The following DENND4A variants were observed in gnomAD, a reference collection of about 807,000 sequenced individuals.
DENND4A encodes DENN domain containing 4A.
Under a neutral mutation model 199.3 loss-of-function variants are expected in DENND4A, and 70 were observed. The observed-to-expected ratio is 0.35, with a 90% confidence interval of 0.29 to 0.43. The LOEUF is 0.43. Ranked by LOEUF, DENND4A falls within the 20% of genes least tolerant of loss-of-function variation. DENND4A has a pLI of 1.00. For missense variants in DENND4A, 1,723 were observed against 2,255.8 expected (o/e 0.76, Z 4.78); for synonymous variants, 686 against 766.9 (o/e 0.89, Z 1.74).
chr15:65,791,335 G>T (rs1458649678), intron 1 of DENND4A, among the ~76,000 whole-genome samples: 1 of 152,200 alleles, frequency 6.6e-6, no homozygotes, highest in Non-Finnish European at 1.5e-5. Context: ...ATAATGAAAA[G>T]CTGTCGCTGC....
intron 14 of DENND4A, among the ~76,000 whole-genome samples, chr15:65,707,902 T>C: frequency 6.6e-6 from 1 of 151,792 alleles, no homozygotes; most frequent in Admixed American, 6.6e-5. Context: ...GCCAGGCTGG[T>C]CAGGAGCTCC....
intron 23 of DENND4A, chr15:65,681,029 A>G (rs1251640125): frequency 1.3e-5 from 2 of 152,208 alleles, no homozygotes; most frequent in African/African-American, 4.8e-5. Flanking sequence ...AGTTTGCTCC[A>G]TTGACTCTTC....
At chr15:65,687,739 T>C (rs938991476) in intron 23 of DENND4A, among the ~76,000 whole-genome samples, 1 of 152,222 alleles carries the variant, frequency 6.6e-6, no homozygotes, top group Non-Finnish European at 1.5e-5. Context: ...ATTCAAATCT[T>C]TATGGCTCCG....
At chr15:65,717,373 C>T (rs1046444592) in intron 13 of DENND4A, among the ~76,000 whole-genome samples, 19 of 152,062 alleles carry the variant, frequency 1.2e-4, no homozygotes, top group African/African-American at 4.6e-4. Flanking sequence ...TTGTAAAGTA[C>T]ATAATATTTG....
chr15:65,681,454 A>T (rs1304429617), intron 23 of DENND4A: 1 of 151,110 alleles, frequency 6.6e-6, no homozygotes, highest in Admixed American at 6.6e-5. Flanking sequence ...TTAAATACTA[A>T]GTTAAAAGTA....
chr15:65,772,258 A>G (rs1251758400), intron 1 of DENND4A: 3 of 556,948 alleles, frequency 5.4e-6, no homozygotes, highest in Non-Finnish European at 9.5e-6. Context: ...TCATTCACTC[A>G]TCTGACAAAT....
chr15:65,691,571 T>G, intron 22 of DENND4A, 60 bp from the exon 23 acceptor site: 1 of 1,436,104 alleles, frequency 7.0e-7, no homozygotes, highest in Non-Finnish European at 9.2e-7. Flanking sequence ...TAAGTCATCT[T>G]AAATATTTAA....
At chr15:65,689,981 C>T (rs915093618) in intron 23 of DENND4A, among the ~76,000 whole-genome samples, 8 of 152,282 alleles carry the variant, frequency 5.3e-5, no homozygotes, top group Admixed American at 3.9e-4. Context: ...CAGATACTTT[C>T]TCTATTTCAT....
intron 22 of DENND4A, among the ~76,000 whole-genome samples, chr15:65,695,697 C>G (rs2077122554): frequency 6.6e-6 from 1 of 152,112 alleles, no homozygotes. Flanking sequence ...ACACTATTAA[C>G]ACTAAAAACT....
At position 65,662,707 on chromosome 15, in the gene DENND4A, A is replaced by C. The variant is rs535632282; in HGVS notation, c.5588-720T>G. On this transcript the variant is annotated intron_variant, in intron 32 of 32. Coordinates refer to ENST00000443035, the MANE Select transcript of DENND4A (RefSeq NM_001320835.1). ...CTGGATAAAAATTTGCCCCTCAGAG[A>C]GCCAAATGGGGTATGAATTATAACA... Among the ~76,000 whole-genome samples, 189 of 152,272 alleles carry C rather than the reference A, an allele frequency of 1.2e-3. 1 individual carries two copies. Among genetic ancestry groups the C allele is most frequent in the African/African-American group, 4.5e-3 (185 of 41,542 alleles).
At chr15:65,772,544 T>C (rs893737864) in intron 1 of DENND4A, among the ~76,000 whole-genome samples, 2 of 151,134 alleles carry the variant, frequency 1.3e-5, no homozygotes, top group African/African-American at 2.4e-5. Flanking sequence ...CTGTCTCTAC[T>C]AAAAATACAA....
At position 65,688,471 on chromosome 15, in the gene DENND4A, G is replaced by A. The variant is rs183636760; in HGVS notation, c.4179+1944C>T. On this transcript the variant is annotated intron_variant, in intron 23 of 32. Transcript: ENST00000443035. Reference sequence around the variant, plus strand: ...GCCTGGGTACTGTTATAATACTTCCGAGATTGTTGATGCTCTTGTTTCAGC... The same window carrying A: ...GCCTGGGTACTGTTATAATACTTCCAAGATTGTTGATGCTCTTGTTTCAGC... Among the ~76,000 whole-genome samples the A allele has an allele frequency of 8.3e-4, 126 of 152,240 alleles. 2 individuals are homozygous for A. The highest frequency in any genetic ancestry group is 3.5e-3 in the South Asian group (17 of 4,822).
Position 65,729,098 on chromosome 15 carries a change from A to C in DENND4A, c.1461T>G (p.Val487=). The C allele has an allele frequency of 6.3e-7, 1 of 1,590,960 alleles. No homozygotes were observed. The change falls in exon 11 of 33, where the codon GTT becomes GTG. Residue 487 remains valine (V), a synonymous_variant. Transcript: ENST00000443035. ...LYDPPPDVSC[V]DVDTNTISQI... is the part of the protein sequence containing the mutation. Reference sequence around the variant, plus strand: ...GAGAAATAGTGTTGGTATCTACATCAACACAACTGACATCTGGTGGAGGAT... The same window carrying C: ...GAGAAATAGTGTTGGTATCTACATCCACACAACTGACATCTGGTGGAGGAT...
chr15:65,671,736 G>T (rs2076224575), intron 25 of DENND4A, 56 bp downstream of exon 25: 3 of 1,208,824 alleles, frequency 2.5e-6, no homozygotes, highest in Non-Finnish European at 1.2e-6. Flanking sequence ...TAATACTTAA[G>T]AAATGTGCAT....
In DENND4A at chr15:65,737,738, T is replaced by C. The variant is rs1169608055; in HGVS notation, c.1009A>G (p.Ile337Val). 6.3e-7 allele frequency: 1 copy of C among 1,582,404 alleles called. No individual in the cohort carries two copies. Among genetic ancestry groups the C allele is most frequent in the Non-Finnish European group, 8.6e-7 (1 of 1,163,652 alleles). The change falls in exon 7 of 33, where the codon ATC becomes GTC. Residue 337 changes from isoleucine to valine, a missense_variant. By Grantham distance (29) the Ile-to-Val change is conservative (BLOSUM62 3). Coordinates refer to ENST00000443035, the MANE Select transcript of DENND4A (RefSeq NM_001320835.1). Reference protein sequence around the residue: ...KFLTFLYRYSISGPHVLPIEK... With the variant: ...KFLTFLYRYSVSGPHVLPIEK... ...ATTGGAAGGACATGAGGCCCAGAGATGGAATAACGATACAGAAAAGTCAGA... is the reference window on the plus strand; with the variant it reads ...ATTGGAAGGACATGAGGCCCAGAGACGGAATAACGATACAGAAAAGTCAGA...
At position 65,671,829 on chromosome 15, in the gene DENND4A, G is replaced by C. The variant is rs1316022150; in HGVS notation, c.4427C>G (p.Ala1476Gly). ...GKSEVTSSFN[A>G]SNTNIFQNYA... ...GTTCTGGAAGATATTTGTATTACTC[G>C]CGTTGAAGGAAGATGTCACTTCTGA... The change falls in exon 25 of 33, where the codon GCG becomes GGG. Residue 1476 changes from alanine to glycine, a missense_variant. By Grantham distance (60) the Ala-to-Gly change is moderately conservative. Coordinates refer to ENST00000443035, the MANE Select transcript of DENND4A (RefSeq NM_001320835.1). The C allele has an allele frequency of 1.9e-6, 3 of 1,612,384 alleles. No individual in the cohort carries two copies. The East Asian group carries it at 6.7e-5, about 36-fold the overall frequency.
In DENND4A at chr15:65,737,880, T is replaced by A; in HGVS notation, c.867A>T (p.Arg289Ser). ...YSEENLTEKQ[R>S]LLLGLTSADG... ...CTGCTGATGTTAAACCCAAAAGAAGTCTCTGCTTTTCTGTGAGATTCTCCT... is the reference window on the plus strand; with the variant it reads ...CTGCTGATGTTAAACCCAAAAGAAGACTCTGCTTTTCTGTGAGATTCTCCT... The change falls in exon 7 of 33, where the codon AGA (arginine) becomes AGT (serine). Residue 289 changes from arginine (R) to serine (S), a missense_variant. Around this residue, in one of 6 missense-constraint regions of DENND4A, gnomAD observed 725 missense variants for 952.9 expected, o/e 0.76. Coordinates refer to ENST00000443035, the MANE Select transcript of DENND4A (RefSeq NM_001320835.1). 6.2e-7 allele frequency: 1 copy of A among 1,604,280 alleles called. No individual in the cohort carries two copies. The highest frequency in any genetic ancestry group is 1.1e-5 in the South Asian group (1 of 89,216).
At chr15:65,783,223 G>C (rs115493060) in intron 1 of DENND4A, among the ~76,000 whole-genome samples, 2 of 152,136 alleles carry the variant, frequency 1.3e-5, no homozygotes, top group African/African-American at 4.8e-5. Context: ...TTTGGTAAAG[G>C]CATTTCTCAT....
intron 2 of DENND4A, among the ~76,000 whole-genome samples, chr15:65,759,724 A>T (rs147306589): frequency 1.2e-4 from 19 of 152,304 alleles, no homozygotes; most frequent in Non-Finnish European, 2.4e-4. Context: ...CAAGTGCTCC[A>T]AAAAAAGAGC....
Sources: allele counts gnomAD v4.1 joint callset (sites outside exome capture counted in the v4.1 genomes callset), GRCh38; gene constraint gnomAD v4.1.1; regional missense constraint gnomAD v4.1.1; transcripts MANE v1.5; gene names NCBI Gene and HGNC (gene_info 2026-07-23, HGNC 2026-07-21).